The following SLMAP variants were observed in gnomAD, a reference collection of about 807,000 sequenced individuals.
SLMAP encodes the protein sarcolemma associated protein.
Under a neutral mutation model 128.8 loss-of-function variants are expected in SLMAP, and 44 were observed. That is an observed-to-expected ratio of 0.34 (90% CI 0.27 to 0.44). The LOEUF (loss-of-function observed/expected upper bound fraction) is 0.44. SLMAP is among the 20% of genes least tolerant of loss of function. SLMAP has a pLI of 1.00. For missense variants in SLMAP, 787 were observed against 985.3 expected (o/e 0.80, Z 2.69); for synonymous variants, 327 against 348.8 (o/e 0.94, Z 0.70).
At chr3:57,768,910 T>C (rs961282356) in intron 2 of SLMAP, among the ~76,000 whole-genome samples, 3 of 152,132 alleles carry the variant, frequency 2.0e-5, no homozygotes, top group South Asian at 2.1e-4. Context: ...ATCCCTAGTC[T>C]AATGATATGC....
rs1466959174 is a variant in SLMAP at position 57,917,043 on chromosome 3, A to C, written c.2276A>C (p.Lys759Thr). ...GCTGATTTAAAAACTCTTCTCAGTAAGGCAGAAAACCAAGCAAAGGATGTG... is the reference window on the plus strand; with the variant it reads ...GCTGATTTAAAAACTCTTCTCAGTACGGCAGAAAACCAAGCAAAGGATGTG... ...DSADLKTLLSKAENQAKDVQK... is the reference protein window; with the variant it reads ...DSADLKTLLSTAENQAKDVQK... Residue 759 changes from lysine to threonine, a missense_variant, in exon 22 of 25, where the codon AAG (lysine) becomes ACG (threonine). Transcript: ENST00000671191. 1.9e-6 allele frequency: 3 copies of C among 1,613,862 alleles called. No individual in the cohort carries two copies. The African/African-American group carries it at 4.0e-5, about 22-fold the overall frequency.
At chr3:57,926,095 A>G in intron 24 of SLMAP, 161 bp downstream of exon 24, 1 of 609,358 alleles carries the variant, frequency 1.6e-6, no homozygotes, top group Middle Eastern at 2.6e-4. Flanking sequence ...TGAACTGAAC[A>G]GTCAACTAAT....
chr3:57,845,972 G>A (rs1158041105), intron 4 of SLMAP, among the ~76,000 whole-genome samples: 1 of 151,926 alleles, frequency 6.6e-6, no homozygotes, highest in Non-Finnish European at 1.5e-5. Flanking sequence ...CTCCCAAGTA[G>A]CTGGGACTAC....
chr3:57,789,337 A>G (rs992465123), intron 2 of SLMAP, among the ~76,000 whole-genome samples: 7 of 152,150 alleles, frequency 4.6e-5, no homozygotes, highest in African/African-American at 1.4e-4. Flanking sequence ...TTGGGAATCT[A>G]TAGCCAAGGA....
chr3:57,813,530 G>A (rs2153517543), intron 2 of SLMAP, among the ~76,000 whole-genome samples: 1 of 152,176 alleles, frequency 6.6e-6, no homozygotes, highest in Middle Eastern at 3.4e-3. Flanking sequence ...AATTTTGGAT[G>A]GAAAATATTT....
intron 2 of SLMAP, chr3:57,800,233 C>G (rs1305919266): frequency 6.6e-6 from 1 of 152,288 alleles, no homozygotes; most frequent in African/African-American, 2.4e-5. Flanking sequence ...CATCTCGGCT[C>G]ACTGCAACCT....
intron 23 of SLMAP, among the ~76,000 whole-genome samples, chr3:57,923,438 G>A (rs2096950932): frequency 6.6e-6 from 1 of 152,184 alleles, no homozygotes; most frequent in African/African-American, 2.4e-5. Flanking sequence ...TTCTCACTGA[G>A]GCACAATTTC....
chr3:57,795,234 A>C (rs2086446958), intron 2 of SLMAP, among the ~76,000 whole-genome samples: 1 of 152,160 alleles, frequency 6.6e-6, no homozygotes, highest in African/African-American at 2.4e-5. Context: ...AGAAATATTG[A>C]TTTATATCCT....
At chr3:57,859,099 G>A (rs1249550145) in intron 8 of SLMAP, among the ~76,000 whole-genome samples, 3 of 152,094 alleles carry the variant, frequency 2.0e-5, no homozygotes, top group Non-Finnish European at 2.9e-5. Context: ...CAAGGCAGGC[G>A]GATTGCTTGA....
chr3:57,820,861 C>G (rs2092441215), intron 2 of SLMAP, among the ~76,000 whole-genome samples: 1 of 152,146 alleles, frequency 6.6e-6, no homozygotes, highest in Admixed American at 6.5e-5. Context: ...ACTCCTGCCC[C>G]TACTGCCTGG....
At chr3:57,786,216 G>A (rs991086343) in intron 2 of SLMAP, among the ~76,000 whole-genome samples, 2 of 152,214 alleles carry the variant, frequency 1.3e-5, no homozygotes, top group Non-Finnish European at 2.9e-5. Context: ...TCTTGCTCAT[G>A]TTACATGTTT....
intron 2 of SLMAP, among the ~76,000 whole-genome samples, chr3:57,788,938 A>G (rs1443358032): frequency 1.3e-5 from 2 of 152,152 alleles, no homozygotes; most frequent in African/African-American, 2.4e-5. Context: ...AGTTATTTCC[A>G]TAAGAAAGGT....
intron 14 of SLMAP, among the ~76,000 whole-genome samples, chr3:57,877,043 T>C (rs896043694): frequency 1.3e-5 from 2 of 152,200 alleles, no homozygotes; most frequent in African/African-American, 4.8e-5. Context: ...GTATTCTTTT[T>C]TTTTTTTAAC....
intron 4 of SLMAP, among the ~76,000 whole-genome samples, chr3:57,842,742 ATTGT>A (rs1307174861): frequency 2.3e-4 from 35 of 151,932 alleles, no homozygotes; most frequent in African/African-American, 8.0e-4. Context: ...TTTTCTTCTC[ATTGT>A]TTGTCTTTTC....
chr3:57,784,568 G>T (rs1436634128), intron 2 of SLMAP, among the ~76,000 whole-genome samples: 4 of 152,158 alleles, frequency 2.6e-5, no homozygotes, highest in Non-Finnish European at 5.9e-5. Flanking sequence ...ACTTCAGGAT[G>T]AATCATGCCT....
intron 4 of SLMAP, among the ~76,000 whole-genome samples, chr3:57,846,031 G>A (rs2094228779): frequency 6.6e-6 from 1 of 152,130 alleles, no homozygotes; most frequent in South Asian, 2.1e-4. Flanking sequence ...TAGTAGAGAT[G>A]ACGTTTCACT....
intron 6 of SLMAP, 59 bp downstream of exon 6, chr3:57,849,875 C>G: frequency 1.0e-6 from 1 of 1,003,666 alleles, no homozygotes; most frequent in South Asian, 1.3e-5. Context: ...TTTAAAAGTT[C>G]TTAAAAGCAG....
chr3:57,881,839 A>G (rs2095752300), intron 14 of SLMAP, among the ~76,000 whole-genome samples: 1 of 152,194 alleles, frequency 6.6e-6, no homozygotes, highest in South Asian at 2.1e-4. Flanking sequence ...TGGTGATAAT[A>G]GCAGCTAATT....
At chr3:57,847,098 A>G in intron 4 of SLMAP, 99 bp from the exon 5 acceptor site, 1 of 717,404 alleles carries the variant, frequency 1.4e-6, no homozygotes, top group Non-Finnish European at 2.4e-6. Flanking sequence ...CATGAAGGCA[A>G]ATGTATAAAC....
Sources: gnomAD v4.1 joint callset for allele counts (sites outside exome capture counted in the v4.1 genomes callset) on GRCh38, gnomAD v4.1.1 for gene constraint, MANE v1.5 for transcripts, NCBI Gene and HGNC (gene_info 2026-07-23, HGNC 2026-07-21) for gene names.